Variants in UNC13C observed in about 807,000 individuals in gnomAD.
The protein encoded by UNC13C is unc-13 homolog C, also known as protein unc-13 homolog C.
In UNC13C, 174 loss-of-function variants were observed where a neutral mutation model predicts 245.4. That is an observed-to-expected ratio of 0.71 (90% CI 0.63 to 0.80). The LOEUF (loss-of-function observed/expected upper bound fraction) is 0.80. Among genes scored for constraint, UNC13C ranks in the 30% least tolerant of loss-of-function variants. UNC13C has a pLI of 0.00. For synonymous variants in UNC13C, 992 were observed against 895.1 expected (o/e 1.11, Z -1.93); for missense variants, 2,829 against 2,602.9 (o/e 1.09, Z -1.89).
chr15:54,295,023 C>G lies in UNC13C; in HGVS notation c.3988+959C>G, dbSNP rs574521848. Among the ~76,000 whole-genome samples, 8 of 152,170 alleles carry G rather than the reference C, an allele frequency of 5.3e-5. 1 individual carries two copies. In the South Asian group the frequency reaches 1.5e-3, roughly 28 times the overall value. Reference sequence around the variant, plus strand: ...CTGAACACAGATGATTCAAGTTAAACTAAGAACTAATTATTAAAACTATCT... The same window carrying G: ...CTGAACACAGATGATTCAAGTTAAAGTAAGAACTAATTATTAAAACTATCT... On this transcript the variant is annotated intron_variant, in intron 11 of 32. Transcript: ENST00000260323.
chr15:54,516,245 C>T (rs1422892081), intron 24 of UNC13C, among the ~76,000 whole-genome samples: 4 of 152,152 alleles, frequency 2.6e-5, no homozygotes, highest in Non-Finnish European at 5.9e-5. Context: ...CAACTTTAAA[C>T]GTGCTGAGGC....
chr15:54,096,362 C>A (rs1899864172), intron 2 of UNC13C, among the ~76,000 whole-genome samples: 1 of 151,974 alleles, frequency 6.6e-6, no homozygotes, highest in Admixed American at 6.6e-5. Flanking sequence ...TGTGATAGAC[C>A]AAGAACTATG....
chr15:54,594,359 A>C (rs554918459), intron 30 of UNC13C, among the ~76,000 whole-genome samples: 24 of 151,998 alleles, frequency 1.6e-4, no homozygotes, highest in Admixed American at 4.6e-4. Context: ...GTGGAGAAGG[A>C]CCATTGGTGG....
chr15:54,629,608 A>T (rs922225025), downstream of UNC13C: 2 of 152,204 alleles, frequency 1.3e-5, no homozygotes, highest in Non-Finnish European at 2.9e-5. Flanking sequence ...CATGGTTAAA[A>T]ATCTCACATG....
chr15:54,173,744 A>G (rs997778423), intron 4 of UNC13C, among the ~76,000 whole-genome samples: 2 of 152,130 alleles, frequency 1.3e-5, no homozygotes, highest in Non-Finnish European at 2.9e-5. Context: ...TCTCCAGTAA[A>G]GTGATAAATA....
At chr15:54,548,290 C>T (rs1160954485) in intron 27 of UNC13C, among the ~76,000 whole-genome samples, 2 of 132,932 alleles carry the variant, frequency 1.5e-5, no homozygotes, top group East Asian at 2.5e-4. Flanking sequence ...GGCGCGATCT[C>T]GGCTCACTGC....
At chr15:54,329,891 A>G (rs886786051) in intron 14 of UNC13C, among the ~76,000 whole-genome samples, 1 of 152,048 alleles carries the variant, frequency 6.6e-6, no homozygotes, top group Non-Finnish European at 1.5e-5. Flanking sequence ...ACAGAAACTC[A>G]TGAAATACAT....
intron 4 of UNC13C, among the ~76,000 whole-genome samples, chr15:54,161,123 G>A (rs1355644759): frequency 2.6e-5 from 4 of 152,016 alleles, no homozygotes; most frequent in Non-Finnish European, 4.4e-5. Context: ...TTTAGAAATA[G>A]GATCTTGCTC....
In UNC13C at chr15:54,421,331, A is replaced by G. The variant is rs1214189067; in HGVS notation, c.4933+6264A>G. 2.0e-5 allele frequency among the ~76,000 whole-genome samples: 3 copies of G among 152,040 alleles called. 1 individual carries two copies. Among genetic ancestry groups the G allele is most frequent in the Admixed American group, 2.0e-4 (3 of 15,230 alleles). On this transcript the variant is annotated intron_variant, in intron 19 of 32. Transcript: ENST00000260323. Reference sequence around the variant, plus strand: ...TAGACTGTATTACTAGAAGAATGCTAAATAGCCTATACATCAAAACTCTGC... The same window carrying G: ...TAGACTGTATTACTAGAAGAATGCTGAATAGCCTATACATCAAAACTCTGC...
chr15:54,553,673 C>T (rs1331185888), intron 28 of UNC13C, among the ~76,000 whole-genome samples: 1 of 150,938 alleles, frequency 6.6e-6, no homozygotes, highest in Non-Finnish European at 1.5e-5. Flanking sequence ...TTTACTTGGG[C>T]AATAACTCAT....
intron 10 of UNC13C, among the ~76,000 whole-genome samples, chr15:54,293,446 C>T (rs995625575): frequency 1.3e-5 from 2 of 151,954 alleles, no homozygotes; most frequent in African/African-American, 2.4e-5. Flanking sequence ...TTTAGTTTTT[C>T]AAGTCCTTCA....
At chr15:53,884,477 G>A in the UNC13C span, among the ~76,000 whole-genome samples, 4 of 152,116 alleles carry the variant, frequency 2.6e-5, no homozygotes, top group Non-Finnish European at 4.4e-5. Flanking sequence ...ACTGGTGCAT[G>A]CCACCGTGCC....
At chr15:54,067,265 T>C (rs1898119629) in intron 2 of UNC13C, among the ~76,000 whole-genome samples, 1 of 152,202 alleles carries the variant, frequency 6.6e-6, no homozygotes, top group Non-Finnish European at 1.5e-5. Flanking sequence ...CCACGCCATA[T>C]TTAAAATGTC....
Position 54,339,638 on chromosome 15 carries a change from G to GAGATAT in UNC13C, c.4713+1151_4713+1156dup, listed in dbSNP as rs1437476288. The stretch of plus-strand genomic sequence containing the variant: ...CTGAATAGTAGTATTCCATTATGTG[G>GAGATAT]AGATATATATATATATATATATATA... On this transcript the variant is annotated intron_variant, in intron 17 of 32. Transcript: ENST00000260323. 1.0e-4 allele frequency among the ~76,000 whole-genome samples: 6 copies of GAGATAT among 57,406 alleles called. No homozygotes were observed. The East Asian group carries it at 4.0e-3, about 39-fold the overall frequency. The allele number at this position is 57,406 out of a possible 152,430, so 37.7% of individuals were successfully genotyped here.
At chr15:54,553,157 ATT>A (rs1474839974) in intron 28 of UNC13C, among the ~76,000 whole-genome samples, 4 of 111,864 alleles carry the variant, frequency 3.6e-5, no homozygotes, top group Non-Finnish European at 5.0e-5. Context: ...TACAATATAT[ATT>A]ATATACTGTA....
chr15:53,845,676 C>T, the UNC13C span, among the ~76,000 whole-genome samples: 5 of 152,122 alleles, frequency 3.3e-5, no homozygotes, highest in African/African-American at 1.2e-4. Context: ...TATGTTTAAG[C>T]TTAATTTAAC....
Position 54,115,285 on chromosome 15 carries a change from A to G in UNC13C, c.2984-27733A>G, listed in dbSNP as rs140957745. On this transcript the variant is annotated intron_variant, in intron 2 of 32. Transcript: ENST00000260323. ...TTAATGTACAAAAATGTATTTGGGTATATGCTTTGAGAAAGGAAGCTAATA... is the reference window on the plus strand; with the variant it reads ...TTAATGTACAAAAATGTATTTGGGTGTATGCTTTGAGAAAGGAAGCTAATA... 1.3e-3 allele frequency among the ~76,000 whole-genome samples: 195 copies of G among 152,222 alleles called. 2 individuals are homozygous for G. Among genetic ancestry groups the G allele is most frequent in the African/African-American group, 4.4e-3 (183 of 41,572 alleles).
intron 10 of UNC13C, among the ~76,000 whole-genome samples, chr15:54,283,835 C>T (rs1009761144): frequency 3.3e-5 from 5 of 152,038 alleles, no homozygotes; most frequent in East Asian, 1.9e-4. Context: ...TTCCCGAAGT[C>T]GTATTGCTAG....
intron 8 of UNC13C, among the ~76,000 whole-genome samples, chr15:54,260,358 T>C (rs2036391538): frequency 2.0e-5 from 3 of 152,068 alleles, no homozygotes; most frequent in African/African-American, 7.2e-5. Flanking sequence ...AAAAGACCTC[T>C]ATTTCCTGTT....
Sources: allele counts gnomAD v4.1 joint callset (sites outside exome capture counted in the v4.1 genomes callset), GRCh38; gene constraint gnomAD v4.1.1; transcripts MANE v1.5; gene names NCBI Gene and HGNC (gene_info 2026-07-23, HGNC 2026-07-21).